The following ALPK1 variants were observed in gnomAD, a reference collection of about 807,000 sequenced individuals.
ALPK1 encodes the protein alpha-protein kinase 1.
In ALPK1, 110 loss-of-function variants were observed where a neutral mutation model predicts 120.6. The observed-to-expected ratio is 0.91, with a 90% CI of 0.78 to 1.07. ALPK1 has a LOEUF of 1.07. Ranked by LOEUF, ALPK1 falls within the 50% of genes least tolerant of loss-of-function variation. ALPK1 has a pLI of 0.00. For missense variants in ALPK1, 1,498 were observed against 1,483.9 expected (o/e 1.01, Z -0.16); for synonymous variants, 582 against 560.3 (o/e 1.04, Z -0.55).
intron 2 of ALPK1, among the ~76,000 whole-genome samples, chr4:112,333,867 G>A (rs185034218): frequency 2.6e-5 from 4 of 152,186 alleles, no homozygotes; most frequent in African/African-American, 9.6e-5. Context: ...AGAGAAGCAC[G>A]AAGCTTCTTA....
chr4:112,436,642 C>A (rs1578576644), intron 12 of ALPK1, among the ~76,000 whole-genome samples: 1 of 152,294 alleles, frequency 6.6e-6, no homozygotes, highest in East Asian at 1.9e-4. Context: ...CAGAGAACTG[C>A]CAGAAGCTGG....
chr4:112,372,774 T>TA (rs984467884), intron 2 of ALPK1, among the ~76,000 whole-genome samples: 2 of 152,114 alleles, frequency 1.3e-5, no homozygotes, highest in African/African-American at 2.4e-5. Context: ...ACACCCTCCC[T>TA]AATTCCCCCC....
At position 112,382,425 on chromosome 4, in the gene ALPK1, T is replaced by C; in HGVS notation, c.149T>C (p.Leu50Pro). Reference protein sequence around the residue: ...RALLPSELRTLIQEAKEMKWP... With the variant: ...RALLPSELRTPIQEAKEMKWP... ...TTACTCCCCAGCGAGTTAAGGACCC[T>C]GATCCAGGAGGCAAAGGAAATGAAG... is the stretch of plus-strand genomic sequence containing the variant. The change falls in exon 4 of 16, where the codon CTG becomes CCG. Residue 50 changes from leucine (L) to proline (P), a missense_variant. Leu to Pro is a moderately conservative substitution (Grantham distance 98). Transcript: ENST00000650871. 2.5e-6 allele frequency: 4 copies of C among 1,612,728 alleles called. No individual in the cohort carries two copies. The highest frequency in any genetic ancestry group is 3.4e-6 in the Non-Finnish European group (4 of 1,179,344).
chr4:112,308,138 C>T (rs1455836848), intron 1 of ALPK1, among the ~76,000 whole-genome samples: 3 of 152,056 alleles, frequency 2.0e-5, no homozygotes, highest in African/African-American at 7.3e-5. Flanking sequence ...GATGGGCTTC[C>T]CTTTGTGGGT....
At chr4:112,339,971 A>G (rs1348814414) in intron 2 of ALPK1, among the ~76,000 whole-genome samples, 2 of 152,244 alleles carry the variant, frequency 1.3e-5, no homozygotes, top group Non-Finnish European at 2.9e-5. Flanking sequence ...TCAGCATAAT[A>G]TCGTCTCTTC....
intron 12 of ALPK1, among the ~76,000 whole-genome samples, chr4:112,436,214 T>A (rs1263856477): frequency 6.6e-6 from 1 of 152,246 alleles, no homozygotes; most frequent in African/African-American, 2.4e-5. Context: ...ATTATTATTT[T>A]AGTAAACATA....
At chr4:112,320,754 G>C (rs1376414869) in intron 2 of ALPK1, among the ~76,000 whole-genome samples, 1 of 151,820 alleles carries the variant, frequency 6.6e-6, no homozygotes, top group African/African-American at 2.4e-5. Flanking sequence ...ATTTCTTCCT[G>C]GTTTAATCTA....
chr4:112,371,221 C>A (rs1035866553), intron 2 of ALPK1, among the ~76,000 whole-genome samples: 4 of 152,186 alleles, frequency 2.6e-5, no homozygotes, highest in African/African-American at 9.7e-5. Context: ...GATCTTCCTG[C>A]AGTTACCTCC....
chr4:112,382,414 G>A lies in ALPK1; in HGVS notation c.138G>A (p.Glu46=). ...DQRCRALLPS[E]LRTLIQEAKE... ...CCTTTTCAGCTTTACTCCCCAGCGAGTTAAGGACCCTGATCCAGGAGGCAA... is the reference window on the plus strand; with the variant it reads ...CCTTTTCAGCTTTACTCCCCAGCGAATTAAGGACCCTGATCCAGGAGGCAA... The change falls in exon 4 of 16, where the codon GAG becomes GAA. Residue 46 remains glutamate (E), a synonymous_variant. Coordinates refer to ENST00000650871, the MANE Select transcript of ALPK1 (RefSeq NM_025144.4). 1.2e-6 allele frequency: 2 copies of A among 1,612,392 alleles called. No homozygotes were observed. The highest frequency in any genetic ancestry group is 1.7e-6 in the Non-Finnish European group (2 of 1,179,506).
intron 1 of ALPK1, among the ~76,000 whole-genome samples, chr4:112,310,691 G>A (rs372621471): frequency 1.3e-5 from 2 of 152,220 alleles, no homozygotes; most frequent in East Asian, 3.9e-4. Context: ...CCATGACCAA[G>A]TTAATCACTA....
chr4:112,346,648 A>C (rs556275097), intron 2 of ALPK1, among the ~76,000 whole-genome samples: 1 of 152,332 alleles, frequency 6.6e-6, no homozygotes, highest in African/African-American at 2.4e-5. Context: ...CATGTGGGGC[A>C]TTGCAGGTTT....
intron 3 of ALPK1, 49 bp downstream of exon 3, chr4:112,377,947 C>T (rs1348305839): frequency 2.6e-6 from 4 of 1,552,048 alleles, no homozygotes; most frequent in South Asian, 1.2e-5. Context: ...GGTTCACTCT[C>T]CTGTCCCCTG....
At chr4:112,406,025 G>A (rs1337730531) in intron 4 of ALPK1, among the ~76,000 whole-genome samples, 1 of 152,112 alleles carries the variant, frequency 6.6e-6, no homozygotes, top group African/African-American at 2.4e-5. Flanking sequence ...GTGCACTCTT[G>A]GTGGGCTTGT....
intron 2 of ALPK1, among the ~76,000 whole-genome samples, chr4:112,323,318 C>T (rs2110548133): frequency 6.6e-6 from 1 of 152,278 alleles, no homozygotes; most frequent in Admixed American, 6.5e-5. Context: ...TCATTCTTTG[C>T]CCATTCTTTG....
At chr4:112,343,457 C>A (rs1411424154) in intron 2 of ALPK1, 2 of 152,094 alleles carry the variant, frequency 1.3e-5, no homozygotes, top group Non-Finnish European at 2.9e-5. Context: ...ACAGCAACAC[C>A]CTCAGCCTGC....
chr4:112,363,609 G>A (rs184395351), intron 2 of ALPK1, among the ~76,000 whole-genome samples: 128 of 152,152 alleles, frequency 8.4e-4, no homozygotes, highest in Non-Finnish European at 5.7e-4. Flanking sequence ...ATAATAGTGA[G>A]GGACTTCAGT....
At chr4:112,345,585 G>C (rs1004266365) in intron 2 of ALPK1, among the ~76,000 whole-genome samples, 4 of 152,170 alleles carry the variant, frequency 2.6e-5, no homozygotes, top group African/African-American at 9.7e-5. Context: ...ACGGTCTCTT[G>C]CTGCCTCTCA....
chr4:112,430,937 A>T lies in ALPK1; in HGVS notation c.1390A>T (p.Thr464Ser). 6.2e-7 allele frequency: 1 copy of T among 1,614,174 alleles called. No homozygotes were observed. Among genetic ancestry groups the T allele is most frequent in the African/African-American group, 1.3e-5 (1 of 75,060 alleles). Residue 464 changes from threonine to serine, a missense_variant, in exon 11 of 16, where the codon ACT (threonine) becomes TCT (serine). Coordinates refer to ENST00000650871, the MANE Select transcript of ALPK1 (RefSeq NM_025144.4). The part of the protein sequence containing the change: ...KILDTYSQHH[T>S]SVCEVFESDC... ...CCTTGACACCTATTCACAGCACCATACTTCGGTGTGTGAAGTATTTGAAAG... is the reference window on the plus strand; with the variant it reads ...CCTTGACACCTATTCACAGCACCATTCTTCGGTGTGTGAAGTATTTGAAAG...
intron 2 of ALPK1, among the ~76,000 whole-genome samples, chr4:112,337,590 G>A (rs1198125113): frequency 1.3e-5 from 2 of 152,134 alleles, no homozygotes; most frequent in Non-Finnish European, 2.9e-5. Flanking sequence ...TGTAGTCCTA[G>A]CTACTTGAGA....
Sources: gnomAD v4.1 joint callset for allele counts (sites outside exome capture counted in the v4.1 genomes callset) on GRCh38, gnomAD v4.1.1 for gene constraint, MANE v1.5 for transcripts, NCBI Gene and HGNC (gene_info 2026-07-23, HGNC 2026-07-21) for gene names.